UNC45B: variants seen among roughly 807,000 people sequenced by gnomAD.
UNC45B encodes the protein protein unc-45 homolog B.
In UNC45B, 78 loss-of-function variants were observed where a neutral mutation model predicts 98.7. The observed-to-expected ratio is 0.79, with a 90% CI of 0.66 to 0.95. UNC45B has a LOEUF of 0.95. UNC45B is among the 40% of genes least tolerant of loss of function. UNC45B has a pLI of 0.00. For synonymous variants in UNC45B, 462 were observed against 480.4 expected, an observed-to-expected ratio of 0.96 and a Z score of 0.50; for missense variants, 1,225 against 1,184.9, an observed-to-expected ratio of 1.03 and a Z score of -0.50.
At chr17:35,153,126 C>T in intron 5 of UNC45B, 144 bp downstream of exon 5, 1 of 608,130 alleles carries the variant, frequency 1.6e-6, no homozygotes, top group Non-Finnish European at 2.9e-6. Context: ...CATTGGAACA[C>T]AGTGTAAACC....
chr17:35,174,352 C>A lies in UNC45B; in HGVS notation c.1941C>A (p.Thr647=), dbSNP rs141297591. Residue 647 remains threonine (T), a synonymous_variant, in exon 14 of 20, where the codon ACC becomes ACA. Coordinates refer to ENST00000394570, the MANE Select transcript of UNC45B (RefSeq NM_001267052.2). ...ATAGTGCCATCCTCACTGACCAGACCAAGGAGCTGCTGGCCAGGTGGGGCT... is the reference window on the plus strand; with the variant it reads ...ATAGTGCCATCCTCACTGACCAGACAAAGGAGCTGCTGGCCAGGTGGGGCT... ...KADSAILTDQ[T]KELLARVFLA... 4 of 1,614,014 alleles carry A rather than the reference C, an allele frequency of 2.5e-6. No homozygotes were observed. The highest frequency in any genetic ancestry group is 2.5e-6 in the Non-Finnish European group (3 of 1,180,018).
chr17:35,153,042 T>A, intron 5 of UNC45B, 60 bp downstream of exon 5: 1 of 1,446,102 alleles, frequency 6.9e-7, no homozygotes, highest in South Asian at 1.2e-5. Flanking sequence ...GACAGTGACA[T>A]CATTCCGAGG....
At chr17:35,157,140 G>A (rs1567756435) in intron 7 of UNC45B, among the ~76,000 whole-genome samples, 1 of 151,972 alleles carries the variant, frequency 6.6e-6, no homozygotes, top group Non-Finnish European at 1.5e-5. Flanking sequence ...TATATTATTG[G>A]AGATTCCAGT....
intron 18 of UNC45B, among the ~76,000 whole-genome samples, chr17:35,182,368 C>T (rs2092279425): frequency 6.6e-6 from 1 of 151,776 alleles, no homozygotes; most frequent in South Asian, 2.1e-4. Flanking sequence ...GGATTACAGG[C>T]GTGAGCCACC....
rs765069414 is a variant in UNC45B, at chr17:35,150,185, G to T, written c.343G>T (p.Glu115Ter). The change falls in exon 4 of 20, where the codon GAG becomes TAG. Residue 115 changes from glutamate to a stop codon, truncating the protein, a stop_gained. Coordinates refer to ENST00000394570, the MANE Select transcript of UNC45B (RefSeq NM_001267052.2). LOFTEE classifies it high-confidence loss of function. Reference protein sequence around the residue: ...TLEPRNQNFQEMLRRLNTSIQ... With the variant: ...TLEPRNQNFQ ...CGAGCCACGGAACCAGAACTTCCAGGAGATGCTGAGGAGACTCAACACCAG... is the reference window on the plus strand; with the variant it reads ...CGAGCCACGGAACCAGAACTTCCAGTAGATGCTGAGGAGACTCAACACCAG... 14 of 1,613,550 alleles carry T rather than the reference G, an allele frequency of 8.7e-6. No homozygotes were observed. The highest frequency in any genetic ancestry group is 1.2e-5 in the Non-Finnish European group (14 of 1,179,772).
chr17:35,169,771 A>G, intron 10 of UNC45B, 66 bp from the exon 11 acceptor site: 1 of 1,440,230 alleles, frequency 6.9e-7, no homozygotes, highest in Admixed American at 1.7e-5. Context: ...TGTTTGAGCA[A>G]GGCTTCATCC....
intron 4 of UNC45B, among the ~76,000 whole-genome samples, chr17:35,150,570 G>C (rs1263102139): frequency 1.3e-5 from 2 of 152,052 alleles, no homozygotes; most frequent in East Asian, 3.9e-4. Context: ...GACAACATGG[G>C]GAAACCCCGT....
At chr17:35,165,554 A>G (rs1045252985) in intron 9 of UNC45B, among the ~76,000 whole-genome samples, 3 of 152,142 alleles carry the variant, frequency 2.0e-5, no homozygotes, top group African/African-American at 7.2e-5. Context: ...GGGGTCAACA[A>G]ACTTTTTCTA....
intron 4 of UNC45B, among the ~76,000 whole-genome samples, chr17:35,152,498 TTAAAA>T (rs2092027531): frequency 6.6e-6 from 1 of 152,204 alleles, no homozygotes. Context: ...TTCAAGTGTG[TTAAAA>T]AGAAAGAAAG....
rs1181709177 is a variant in UNC45B, at chr17:35,183,535, A to T, written c.2482A>T (p.Met828Leu). The stretch of plus-strand genomic sequence containing the variant: ...GAATGCGGCTGCAGGGGCTCTGGCC[A>T]TGCTGACAGCAGCACACAAGAAACT... ...VQNAAAGALAMLTAAHKKLCL... is the reference protein window; with the variant it reads ...VQNAAAGALALLTAAHKKLCL... The change falls in exon 19 of 20, where the codon ATG becomes TTG. Residue 828 changes from methionine (M) to leucine (L), a missense_variant. By Grantham distance (15) the Met-to-Leu change is conservative (BLOSUM62 2). Transcript: ENST00000394570. 3 of 1,601,364 alleles carry T rather than the reference A, an allele frequency of 1.9e-6. No individual in the cohort carries two copies. The African/African-American group carries it at 4.0e-5, about 21-fold the overall frequency.
chr17:35,176,770 C>T (rs2092236875), intron 15 of UNC45B, among the ~76,000 whole-genome samples: 1 of 152,144 alleles, frequency 6.6e-6, no homozygotes, highest in South Asian at 2.1e-4. Flanking sequence ...TTTATTTTTC[C>T]AAAAGCTGAA....
At chr17:35,149,277 A>G (rs2091999319) in intron 3 of UNC45B, among the ~76,000 whole-genome samples, 1 of 152,162 alleles carries the variant, frequency 6.6e-6, no homozygotes, top group South Asian at 2.1e-4. Flanking sequence ...GAAGGATTGG[A>G]TTTCATCTCA....
chr17:35,148,359 CCTGAAG>C lies in UNC45B; in HGVS notation c.101_106del (p.Lys34_Leu35del). The C allele has an allele frequency of 1.2e-6, 2 of 1,614,154 alleles. No homozygotes were observed. The highest frequency in any genetic ancestry group is 1.7e-6 in the Non-Finnish European group (2 of 1,180,024). On this transcript the variant is annotated inframe_deletion, in exon 2 of 20. Transcript: ENST00000394570. ...CCGCCACAAATAGCTACAGCCAGGC[CCTGAAG>C]CTGACCAAGGACAAGGCCCTGCTGG...
intron 14 of UNC45B, 45 bp from the exon 15 acceptor site, chr17:35,175,923 G>A (rs779159449): frequency 1.9e-6 from 3 of 1,577,916 alleles, no homozygotes; most frequent in Admixed American, 1.7e-5. Context: ...GCCTGGGAAG[G>A]TGTGCTGGTG....
chr17:35,186,085 A>G (rs1040527683), intron 19 of UNC45B, among the ~76,000 whole-genome samples: 6 of 152,316 alleles, frequency 3.9e-5, no homozygotes, highest in African/African-American at 1.4e-4. Context: ...AGTGGCTCTC[A>G]TGATTACTAG....
intron 17 of UNC45B, 62 bp from the exon 18 acceptor site, chr17:35,180,496 GA>G: frequency 7.2e-7 from 1 of 1,394,964 alleles, no homozygotes; most frequent in South Asian, 1.2e-5. Context: ...TGGGTGGCCA[GA>G]AAACCCCTAT....
At chr17:35,169,490 T>C (rs1459209123) in intron 10 of UNC45B, among the ~76,000 whole-genome samples, 2 of 152,246 alleles carry the variant, frequency 1.3e-5, no homozygotes, top group Non-Finnish European at 2.9e-5. Context: ...TGTCAGTTTC[T>C]GTGCCGTAAC....
rs75021601 is a variant in UNC45B, at chr17:35,154,368, A to C, written c.472-206A>C. Reference sequence around the variant, plus strand: ...TTAATGGCTGCAATATATTTCATCCAGCTGGTCTTGATGCAAATTACTTGG... The same window carrying C: ...TTAATGGCTGCAATATATTTCATCCCGCTGGTCTTGATGCAAATTACTTGG... On this transcript the variant is annotated intron_variant, in intron 5 of 19. Transcript: ENST00000394570. Among the ~76,000 whole-genome samples the C allele has an allele frequency of 6.8e-3, 1,034 of 152,160 alleles. 27 individuals are homozygous for C. The highest frequency in any genetic ancestry group is 0.06 in the South Asian group (289 of 4,812).
At position 35,188,348 on chromosome 17, in the gene UNC45B, A is replaced by C. The variant is rs947175827; in HGVS notation, c.*1789A>C. 6.6e-6 allele frequency: 1 copy of C among 152,168 alleles called. No individual in the cohort carries two copies. Among genetic ancestry groups the C allele is most frequent in the Non-Finnish European group, 1.5e-5 (1 of 68,024 alleles). 9.4% of individuals were successfully genotyped at this position (152,168 alleles called of 1,614,324 possible). ...TTGAGTGGGTGTATTTAGCTCCTTT[A>C]AAGGAAACTCTTTCACAGGCAGGGC... On this transcript the variant is annotated 3_prime_UTR_variant, in exon 20 of 20. Transcript: ENST00000394570.
Sources: allele counts gnomAD v4.1 joint callset (sites outside exome capture counted in the v4.1 genomes callset), GRCh38; gene constraint gnomAD v4.1.1; transcripts MANE v1.5; gene names NCBI Gene and HGNC (gene_info 2026-07-23, HGNC 2026-07-21).